Variants in PSD2 observed in about 807,000 individuals in gnomAD.
The protein encoded by PSD2 is PH and SEC7 domain-containing protein 2.
Under a neutral mutation model 69.8 loss-of-function variants are expected in PSD2, and 38 were observed. That is an observed-to-expected ratio of 0.54 (90% CI 0.42 to 0.71). The LOEUF (loss-of-function observed/expected upper bound fraction) is 0.71. PSD2 is among the 30% of genes least tolerant of loss of function. The pLI is 0.00. For missense variants in PSD2, 943 were observed against 1,014.5 expected, an observed-to-expected ratio of 0.93 and a Z score of 0.96; for synonymous variants, 412 against 423.0, an observed-to-expected ratio of 0.97 and a Z score of 0.32.
intron 7 of PSD2, among the ~76,000 whole-genome samples, chr5:139,824,399 T>G (rs890002024): frequency 6.8e-6 from 1 of 146,338 alleles, no homozygotes; most frequent in African/African-American, 2.6e-5. Flanking sequence ...CTCTTGTTTT[T>G]TTTTTTTTTT....
intron 8 of PSD2, among the ~76,000 whole-genome samples, chr5:139,834,928 A>T (rs1272974333): frequency 6.7e-6 from 1 of 148,770 alleles, no homozygotes; most frequent in Non-Finnish European, 1.5e-5. Context: ...CCACCCATTC[A>T]CCCATCACCC....
At chr5:139,789,118 G>A in the PSD2 span, among the ~76,000 whole-genome samples, 1 of 152,190 alleles carries the variant, frequency 6.6e-6, no homozygotes, top group Non-Finnish European at 1.5e-5. Context: ...GGCCTGTCAG[G>A]GTTGCGGCCC....
At chr5:139,818,199 A>T (rs1156829521) in intron 5 of PSD2, among the ~76,000 whole-genome samples, 1 of 152,144 alleles carries the variant, frequency 6.6e-6, no homozygotes, top group Non-Finnish European at 1.5e-5. Context: ...AGGGTGACTC[A>T]TGCACGTTAG....
chr5:139,788,218 C>G, the PSD2 span, among the ~76,000 whole-genome samples: 2 of 151,780 alleles, frequency 1.3e-5, no homozygotes, highest in African/African-American at 4.8e-5. Flanking sequence ...GCCCGGCTCC[C>G]CCAGCCCGAG....
At chr5:139,789,421 T>TTTTG in the PSD2 span, among the ~76,000 whole-genome samples, 2 of 151,954 alleles carry the variant, frequency 1.3e-5, no homozygotes, top group African/African-American at 2.4e-5. Flanking sequence ...ACACACCAGG[T>TTTTG]TTTGTTTGTT....
chr5:139,799,311 G>C (rs1027887918), intron 1 of PSD2, among the ~76,000 whole-genome samples: 1 of 152,180 alleles, frequency 6.6e-6, no homozygotes, highest in Non-Finnish European at 1.5e-5. Flanking sequence ...AGATGCTGGA[G>C]AATAGAGAAG....
the PSD2 span, among the ~76,000 whole-genome samples, chr5:139,767,408 G>A: frequency 3.1e-4 from 47 of 151,958 alleles, no homozygotes; most frequent in African/African-American, 9.4e-4. Flanking sequence ...TCCACCTCCC[G>A]GATTCAAGGG....
At chr5:139,766,754 AG>A in the PSD2 span, among the ~76,000 whole-genome samples, 1 of 152,166 alleles carries the variant, frequency 6.6e-6, no homozygotes, top group Non-Finnish European at 1.5e-5. Context: ...GGGCGAATAG[AG>A]GGGTAGGCAT....
intron 1 of PSD2, among the ~76,000 whole-genome samples, chr5:139,801,050 C>T (rs930012679): frequency 6.6e-6 from 1 of 151,944 alleles, no homozygotes; most frequent in African/African-American, 2.4e-5. Flanking sequence ...ACTAAAAATA[C>T]AAAAATTAAC....
the PSD2 span, among the ~76,000 whole-genome samples, chr5:139,781,768 G>A: frequency 6.6e-6 from 1 of 151,934 alleles, no homozygotes; most frequent in Admixed American, 6.6e-5. Context: ...TGAGTAACTG[G>A]GATTACAGGC....
intron 1 of PSD2, among the ~76,000 whole-genome samples, chr5:139,796,217 C>T (rs901920900): frequency 6.6e-6 from 1 of 152,152 alleles, no homozygotes; most frequent in Non-Finnish European, 1.5e-5. Context: ...CGGGTCTGGG[C>T]CGGGGAGAGG....
Position 139,838,735 on chromosome 5 carries a change from G to T in PSD2, c.1931G>T (p.Arg644Leu). Reference protein sequence around the residue: ...AAVSSMKKFCRPLLPSCTTRL... With the variant: ...AAVSSMKKFCLPLLPSCTTRL... The stretch of plus-strand genomic sequence containing the variant: ...GTCAGCTCCATGAAGAAGTTCTGTC[G>T]GCCCCTGCTGCCCTCCTGCACCACC... Residue 644 changes from arginine (R) to leucine (L), a missense_variant, in exon 13 of 15, where the codon CGG (arginine) becomes CTG (leucine). By Grantham distance (102) the Arg-to-Leu change is moderately radical. Around this residue, in one of 3 missense-constraint regions of PSD2, gnomAD observed 165 missense variants for 168.8 expected, o/e 0.98. Transcript: ENST00000274710. 1 of 1,613,616 alleles carries T rather than the reference G, an allele frequency of 6.2e-7. No individual in the cohort carries two copies. Among genetic ancestry groups the T allele is most frequent in the Non-Finnish European group, 8.5e-7 (1 of 1,179,916 alleles).
chr5:139,818,351 C>T (rs553723513), intron 5 of PSD2, among the ~76,000 whole-genome samples: 1 of 152,124 alleles, frequency 6.6e-6, no homozygotes, highest in African/African-American at 2.4e-5. Flanking sequence ...TCCAGACCAG[C>T]CTGGGCAACA....
chr5:139,748,211 A>G, the PSD2 span, among the ~76,000 whole-genome samples: 2 of 119,172 alleles, frequency 1.7e-5, no homozygotes, highest in Non-Finnish European at 3.3e-5. Context: ...CTACCCAGCC[A>G]GACACGGTTC....
chr5:139,782,744 C>T, the PSD2 span, among the ~76,000 whole-genome samples: 21 of 151,268 alleles, frequency 1.4e-4, no homozygotes, highest in Middle Eastern at 3.5e-3. Context: ...CCTCCCACCT[C>T]GGCCTCCCAA....
At chr5:139,808,141 C>T (rs1355579200) in intron 1 of PSD2, among the ~76,000 whole-genome samples, 3 of 152,140 alleles carry the variant, frequency 2.0e-5, no homozygotes, top group Non-Finnish European at 4.4e-5. Context: ...AGGAAGTGGC[C>T]CAGCCAGAAC....
intron 2 of PSD2, among the ~76,000 whole-genome samples, 192 bp from the exon 3 acceptor site, chr5:139,813,117 C>T (rs10054631): frequency 0.22 from 34,191 of 152,152 alleles, 3,967 homozygotes; most frequent in South Asian, 0.32. Flanking sequence ...TGCTCTTTTC[C>T]CTGCAGTATT....
chr5:139,747,832 A>T, the PSD2 span, among the ~76,000 whole-genome samples: 50 of 152,212 alleles, frequency 3.3e-4, 1 homozygote, highest in Admixed American at 3.3e-3. The surrounding 1 kb of genome is among the most constrained non-coding windows in gnomAD (Gnocchi z 6.7). Context: ...GCCCCGCCAA[A>T]GCAAGGAGGG....
intron 7 of PSD2, among the ~76,000 whole-genome samples, chr5:139,827,700 G>A (rs1372831365): frequency 1.3e-5 from 2 of 152,210 alleles, no homozygotes; most frequent in African/African-American, 4.8e-5. Context: ...CATGGCGGAA[G>A]GGGAAGCAGG....
Sources: gnomAD v4.1 joint callset for allele counts (sites outside exome capture counted in the v4.1 genomes callset) on GRCh38, gnomAD v4.1.1 for gene constraint, gnomAD v4.1.1 regional missense constraint, Gnocchi (gnomAD v3.1) non-coding constraint, MANE v1.5 for transcripts, NCBI Gene and HGNC (gene_info 2026-07-23, HGNC 2026-07-21) for gene names.